NELL1: variants seen among roughly 807,000 people sequenced by gnomAD.
The protein encoded by NELL1 is protein kinase C-binding protein NELL1.
A neutral mutation model predicts 107.4 loss-of-function variants in NELL1; 76 were observed. That is an observed-to-expected ratio of 0.71 (90% confidence interval 0.59 to 0.86). The LOEUF (loss-of-function observed/expected upper bound fraction) is 0.86, where lower values mean the gene tolerates loss of function less well. Ranked by LOEUF, NELL1 falls within the 40% of genes least tolerant of loss-of-function variation. NELL1 has a pLI of 0.00. For synonymous variants in NELL1, 353 were observed against 341.2 expected (o/e 1.03, Z -0.38); for missense variants, 1,024 against 1,005.5 (o/e 1.02, Z -0.25).
chr11:21,277,258 C>G (rs1848886192), intron 14 of NELL1, among the ~76,000 whole-genome samples: 2 of 152,258 alleles, frequency 1.3e-5, no homozygotes, highest in African/African-American at 4.8e-5. Context: ...AGACACTTCT[C>G]AAAAGAAGAC....
intron 2 of NELL1, among the ~76,000 whole-genome samples, chr11:20,698,926 C>T (rs1004751580): frequency 2.6e-5 from 4 of 152,274 alleles, no homozygotes; most frequent in East Asian, 1.9e-4. Context: ...TTTAGAATAA[C>T]GGTCTCCAAA....
intron 2 of NELL1, among the ~76,000 whole-genome samples, chr11:20,774,360 C>T (rs150383550): frequency 0.014 from 2,055 of 143,704 alleles, 22 homozygotes; most frequent in Admixed American, 0.023. Flanking sequence ...TCCTTTCTTT[C>T]TCTCTCTTCT....
At chr11:21,083,082 G>T (rs1292512508) in intron 12 of NELL1, among the ~76,000 whole-genome samples, 1 of 152,218 alleles carries the variant, frequency 6.6e-6, no homozygotes, top group Admixed American at 6.5e-5. Flanking sequence ...GTCAGCAAGA[G>T]TAGGCATGTG....
At chr11:21,311,246 T>C (rs1180062845) in intron 14 of NELL1, among the ~76,000 whole-genome samples, 1 of 152,178 alleles carries the variant, frequency 6.6e-6, no homozygotes, top group African/African-American at 2.4e-5. Flanking sequence ...AAAATTATAT[T>C]AGAACAGAAA....
chr11:20,982,028 A>G (rs2134245183), intron 12 of NELL1, among the ~76,000 whole-genome samples: 1 of 151,870 alleles, frequency 6.6e-6, no homozygotes. Context: ...ATTCACAGGC[A>G]GATTGGTTCA....
chr11:21,423,942 T>C (rs1473375322), intron 15 of NELL1, among the ~76,000 whole-genome samples: 2 of 152,118 alleles, frequency 1.3e-5, no homozygotes, highest in Non-Finnish European at 2.9e-5. Context: ...AACAAAAGCA[T>C]AACACACCCA....
chr11:20,762,004 T>C (rs191317527), intron 2 of NELL1, among the ~76,000 whole-genome samples: 7 of 152,364 alleles, frequency 4.6e-5, no homozygotes, highest in Non-Finnish European at 7.3e-5. Flanking sequence ...CTTAAATATC[T>C]TTCCAGGTGG....
intron 13 of NELL1, among the ~76,000 whole-genome samples, chr11:21,183,912 A>G (rs1275147585): frequency 6.6e-6 from 1 of 151,888 alleles, no homozygotes; most frequent in Non-Finnish European, 1.5e-5. Flanking sequence ...AAGGAAAAAA[A>G]TCTGCGTTTC....
At chr11:21,280,714 G>A (rs115990097) in intron 14 of NELL1, among the ~76,000 whole-genome samples, 1,936 of 152,008 alleles carry the variant, frequency 0.013, 38 homozygotes, top group African/African-American at 0.044. Flanking sequence ...TCAGCAAAGC[G>A]GGCTAAAATG....
intron 12 of NELL1, among the ~76,000 whole-genome samples, chr11:21,076,930 C>T (rs1414024906): frequency 6.6e-6 from 1 of 152,122 alleles, no homozygotes; most frequent in Non-Finnish European, 1.5e-5. Context: ...TCACCAGTTG[C>T]AGATGCCAAC....
chr11:20,871,541 C>T (rs1232853072), intron 4 of NELL1, among the ~76,000 whole-genome samples: 1 of 152,130 alleles, frequency 6.6e-6, no homozygotes, highest in African/African-American at 2.4e-5. Context: ...TATTAATGGT[C>T]ATAGTCAGGA....
intron 3 of NELL1, among the ~76,000 whole-genome samples, chr11:20,832,215 A>G (rs562415768): frequency 6.2e-4 from 94 of 152,280 alleles, no homozygotes; most frequent in African/African-American, 2.2e-3. Context: ...ATTCCTAAGC[A>G]CTGTTCTTCT....
intron 3 of NELL1, among the ~76,000 whole-genome samples, chr11:20,799,924 G>A (rs1857249043): frequency 6.6e-6 from 1 of 152,016 alleles, no homozygotes; most frequent in South Asian, 2.1e-4. Context: ...TGTATTCAAT[G>A]TTTTGTTCCC....
chr11:21,102,369 G>A (rs796297412), intron 12 of NELL1, among the ~76,000 whole-genome samples: 16 of 152,218 alleles, frequency 1.1e-4, no homozygotes, highest in African/African-American at 3.9e-4. Flanking sequence ...CCCCCTTAGA[G>A]GTAATGTCAC....
At chr11:21,320,267 A>T (rs577609291) in intron 14 of NELL1, among the ~76,000 whole-genome samples, 21 of 152,242 alleles carry the variant, frequency 1.4e-4, no homozygotes, top group Middle Eastern at 3.4e-3. Context: ...TAATAATAAT[A>T]ATTATTTTTG....
At chr11:21,218,581 C>A (rs1450079633) in intron 13 of NELL1, among the ~76,000 whole-genome samples, 1 of 152,096 alleles carries the variant, frequency 6.6e-6, no homozygotes, top group Non-Finnish European at 1.5e-5. Flanking sequence ...TTATAGAACA[C>A]TACAACTTAT....
chr11:20,976,079 A>C (rs1031476488), intron 12 of NELL1, among the ~76,000 whole-genome samples: 9 of 143,186 alleles, frequency 6.3e-5, no homozygotes, highest in African/African-American at 2.3e-4. Flanking sequence ...TATATGTATT[A>C]TATACATTAC....
chr11:20,964,718 C>T (rs2063914), intron 12 of NELL1, among the ~76,000 whole-genome samples: 6,428 of 152,222 alleles, frequency 0.042, 215 homozygotes, highest in Middle Eastern at 0.2. Context: ...CCGATTTTGC[C>T]GACATCAGTT....
At chr11:20,929,900 A>C (rs531787120) in intron 9 of NELL1, among the ~76,000 whole-genome samples, 32 of 149,652 alleles carry the variant, frequency 2.1e-4, no homozygotes, top group South Asian at 4.3e-4. Context: ...TGAACCCGGG[A>C]GGCAGAGGTT....
Sources: allele counts gnomAD v4.1 joint callset (sites outside exome capture counted in the v4.1 genomes callset), GRCh38; gene constraint gnomAD v4.1.1; transcripts MANE v1.5; gene names NCBI Gene and HGNC (gene_info 2026-07-23, HGNC 2026-07-21).